PTPRU: variants seen among roughly 807,000 people sequenced by gnomAD.
PTPRU encodes the protein receptor-type tyrosine-protein phosphatase U.
PTPRU carries 69 observed loss-of-function variants against 166.3 expected under a neutral mutation model. The observed-to-expected ratio is 0.41, with a 90% confidence interval of 0.34 to 0.51. The LOEUF (loss-of-function observed/expected upper bound fraction) is 0.51, where lower values mean the gene tolerates loss of function less well. Ranked by LOEUF, PTPRU falls within the 20% of genes least tolerant of loss-of-function variation. The pLI is 0.09. For missense variants in PTPRU, 1,657 were observed against 2,013.7 expected, an observed-to-expected ratio of 0.82 and a Z score of 3.39; for synonymous variants, 793 against 814.0, an observed-to-expected ratio of 0.97 and a Z score of 0.44.
chr1:29,295,813 A>G (rs550269854), intron 15 of PTPRU, among the ~76,000 whole-genome samples: 20 of 152,112 alleles, frequency 1.3e-4, no homozygotes, highest in Non-Finnish European at 2.9e-4. Flanking sequence ...CAGCCTCCCA[A>G]GTAGCTGGGA....
In PTPRU at chr1:29,305,540, C is replaced by T. The variant is rs182627230; in HGVS notation, c.2820+112C>T. On this transcript the variant is annotated intron_variant, in intron 18 of 29. Coordinates refer to ENST00000373779, the MANE Select transcript of PTPRU (RefSeq NM_133178.4). ...AAATGGGGGTTCAAATGGCTGAGTTCGGAGTGCCCCTATCTCTGCAGTCAG... is the reference window on the plus strand; with the variant it reads ...AAATGGGGGTTCAAATGGCTGAGTTTGGAGTGCCCCTATCTCTGCAGTCAG... 2.6e-3 allele frequency: 2,813 copies of T among 1,081,192 alleles called. 9 individuals are homozygous for T. The highest frequency in any genetic ancestry group is 3.5e-3 in the Non-Finnish European group (2,499 of 705,856). 67.0% of individuals were successfully genotyped at this position (1,081,192 alleles called of 1,614,324 possible).
At position 29,236,854 on chromosome 1, in the gene PTPRU, G is replaced by A; in HGVS notation, c.73+137G>A. The A allele has an allele frequency of 1.2e-6, 1 of 834,728 alleles. No homozygotes were observed. Among genetic ancestry groups the A allele is most frequent in the Non-Finnish European group, 1.6e-6 (1 of 618,010 alleles). The allele number at this position is 834,728 out of a possible 1,614,324, so 51.7% of individuals were successfully genotyped here. On this transcript the variant is annotated intron_variant, in intron 1 of 29. Transcript: ENST00000373779. This position sits in a 1 kb window ranked among gnomAD's most constrained non-coding sequence, Gnocchi z 4.6. ...GTGTGTGTCTGAGCGTAGGATGGGC[G>A]ATTGTGTGCCCGGGGTGTTGCGTGA...
At chr1:29,319,889 T>C (rs973832572) in intron 25 of PTPRU, among the ~76,000 whole-genome samples, 39 of 152,034 alleles carry the variant, frequency 2.6e-4, no homozygotes, top group African/African-American at 9.4e-4. Context: ...CAGGGGAGGC[T>C]GGGAGCTAGA....
At chr1:29,239,190 AG>A (rs1683925780) in intron 1 of PTPRU, among the ~76,000 whole-genome samples, 1 of 152,154 alleles carries the variant, frequency 6.6e-6, no homozygotes, top group African/African-American at 2.4e-5. Context: ...CAGAAGCCCA[AG>A]TAGAATAGAT....
chr1:29,312,982 C>T (rs189885904), intron 22 of PTPRU, among the ~76,000 whole-genome samples: 1 of 152,166 alleles, frequency 6.6e-6, no homozygotes, highest in Admixed American at 6.5e-5. Context: ...GCCGCTGAGG[C>T]GCCAGGCACG....
intron 14 of PTPRU, among the ~76,000 whole-genome samples, chr1:29,286,354 T>C (rs1686349375): frequency 6.6e-6 from 1 of 152,226 alleles, no homozygotes; most frequent in South Asian, 2.1e-4. Flanking sequence ...TACCAGGCAC[T>C]GTTCTGCACT....
chr1:29,307,341 G>A (rs1335685277), intron 18 of PTPRU, among the ~76,000 whole-genome samples: 2 of 152,240 alleles, frequency 1.3e-5, no homozygotes, highest in Non-Finnish European at 1.5e-5. Flanking sequence ...ATTCGAGAGT[G>A]TTCCTATTGT....
Position 29,259,893 on chromosome 1 carries a change from G to A in PTPRU, c.699G>A (p.Pro233=). The change falls in exon 6 of 30, where the codon CCG becomes CCA. Residue 233 remains proline (P), a synonymous_variant. Coordinates refer to ENST00000373779, the MANE Select transcript of PTPRU (RefSeq NM_133178.4). ...AGCGGCAGAGCGGGGCGCTGGTGCCGGCGGCGGGCGTGCGGCACATCAGCC... is the reference window on the plus strand; with the variant it reads ...AGCGGCAGAGCGGGGCGCTGGTGCCAGCGGCGGGCGTGCGGCACATCAGCC... ...LLQRQSGALV[P]AAGVRHISHR... The A allele has an allele frequency of 1.3e-6, 2 of 1,531,652 alleles. No homozygotes were observed. Among genetic ancestry groups the A allele is most frequent in the Non-Finnish European group, 1.7e-6 (2 of 1,145,506 alleles). 94.9% of individuals were successfully genotyped at this position (1,531,652 alleles called of 1,614,324 possible).
intron 1 of PTPRU, among the ~76,000 whole-genome samples, chr1:29,251,402 GGTCA>G (rs1684540560): frequency 6.6e-6 from 1 of 152,156 alleles, no homozygotes; most frequent in African/African-American, 2.4e-5. Context: ...GCAGGTCTGG[GGTCA>G]GTCAGTCTGA....
rs1307441763 is a variant in PTPRU, at chr1:29,291,697, T to G, written c.2319-172T>G. On this transcript the variant is annotated intron_variant, in intron 14 of 29. Coordinates refer to ENST00000373779, the MANE Select transcript of PTPRU (RefSeq NM_133178.4). This position sits in a 1 kb window ranked among gnomAD's most constrained non-coding sequence, Gnocchi z 4.1. The stretch of plus-strand genomic sequence containing the variant: ...GCCCTTTTCAGGGAAGAAGCAGCTC[T>G]GGGTCTAATGAGTGAAGGATGGGGG... Among the ~76,000 whole-genome samples, 1 of 152,196 alleles carries G rather than the reference T, an allele frequency of 6.6e-6. No homozygotes were observed. The highest frequency in any genetic ancestry group is 2.4e-5 in the African/African-American group (1 of 41,462).
intron 18 of PTPRU, among the ~76,000 whole-genome samples, chr1:29,306,745 C>T (rs1687408829): frequency 6.6e-6 from 1 of 152,146 alleles, no homozygotes; most frequent in African/African-American, 2.4e-5. Flanking sequence ...CTGGAGGTGG[C>T]CTCTCCTCTC....
At chr1:29,281,285 C>T (rs1442650206) in intron 11 of PTPRU, among the ~76,000 whole-genome samples, 1 of 152,166 alleles carries the variant, frequency 6.6e-6, no homozygotes, top group Non-Finnish European at 1.5e-5. Flanking sequence ...CCCAGACCCT[C>T]AGGGAAGACC....
intron 18 of PTPRU, 45 bp from the exon 19 acceptor site, chr1:29,310,699 G>A: frequency 2.5e-6 from 4 of 1,583,026 alleles, no homozygotes; most frequent in Non-Finnish European, 3.5e-6. Flanking sequence ...GGGGAGTGAG[G>A]GGCTACTCCC....
rs899151454 is a variant in PTPRU, at chr1:29,284,116, G to C, written c.2179+140G>C. The C allele has an allele frequency of 1.2e-4, 124 of 1,052,628 alleles. 1 individual carries two copies. Among genetic ancestry groups the C allele is most frequent in the Non-Finnish European group, 1.5e-4 (104 of 700,582 alleles). The allele number at this position is 1,052,628 out of a possible 1,614,324, so 65.2% of individuals were successfully genotyped here. Reference sequence around the variant, plus strand: ...GTCCTGGGGCCAGGAGGGGCTTCCTGCTGGGTTTCCATGTGCCCTACCTCA... The same window carrying C: ...GTCCTGGGGCCAGGAGGGGCTTCCTCCTGGGTTTCCATGTGCCCTACCTCA... On this transcript the variant is annotated intron_variant, in intron 13 of 29. Transcript: ENST00000373779.
At chr1:29,302,151 A>ATGTGTG (rs138316498) in intron 15 of PTPRU, among the ~76,000 whole-genome samples, 2,133 of 142,284 alleles carry the variant, frequency 0.015, 68 homozygotes, top group African/African-American at 0.05. Flanking sequence ...GCTAATGTGT[A>ATGTGTG]TGTGTGTGTG....
At chr1:29,316,481 G>A (rs1687906837) in intron 24 of PTPRU, among the ~76,000 whole-genome samples, 1 of 152,152 alleles carries the variant, frequency 6.6e-6, no homozygotes, top group African/African-American at 2.4e-5. Context: ...TAGTTAATAT[G>A]TCCCTTGGGG....
chr1:29,282,978 CGTGGTTGGGT>C, intron 12 of PTPRU, 29 bp downstream of exon 12: 1 of 1,591,022 alleles, frequency 6.3e-7, no homozygotes, highest in Non-Finnish European at 8.5e-7. Context: ...TCATGGTGGG[CGTGGTTGGGT>C]GTGGGGGGAT....
intron 7 of PTPRU, among the ~76,000 whole-genome samples, chr1:29,265,071 C>T (rs1250985946): frequency 6.6e-6 from 1 of 152,300 alleles, no homozygotes; most frequent in Non-Finnish European, 1.5e-5. Context: ...AGCATTCATA[C>T]AGAGGTTTTT....
chr1:29,249,334 C>G (rs1490433462), intron 1 of PTPRU, among the ~76,000 whole-genome samples: 4 of 152,256 alleles, frequency 2.6e-5, no homozygotes, highest in Non-Finnish European at 5.9e-5. Context: ...AAACCATCCC[C>G]CTGCCTTCCC....
Sources: gnomAD v4.1 joint callset for allele counts (sites outside exome capture counted in the v4.1 genomes callset) on GRCh38, gnomAD v4.1.1 for gene constraint, Gnocchi (gnomAD v3.1) non-coding constraint, MANE v1.5 for transcripts, NCBI Gene and HGNC (gene_info 2026-07-23, HGNC 2026-07-21) for gene names.